PAX6: variants seen among roughly 807,000 people sequenced by gnomAD.
The protein encoded by PAX6 is paired box protein Pax-6.
Under a neutral mutation model 60.7 loss-of-function variants are expected in PAX6, and 7 were observed. The ratio of observed to expected loss-of-function variants is 0.12; its 90% confidence interval spans 0.07 to 0.22. PAX6 has a LOEUF of 0.22. Among genes scored for constraint, PAX6 ranks in the 10% least tolerant of loss-of-function variants. The probability of loss-of-function intolerance (pLI) is 1.00; values close to 1 mark genes in which losing one functional copy is unlikely to be tolerated. For missense variants in PAX6, 355 were observed against 555.2 expected, an observed-to-expected ratio of 0.64 and a Z score of 3.62; for synonymous variants, 208 against 201.2, an observed-to-expected ratio of 1.03 and a Z score of -0.29.
intron 12 of PAX6, chr11:31,792,921 A>C (rs1019873274): frequency 1.8e-5 from 5 of 277,762 alleles, no homozygotes; most frequent in Non-Finnish European, 3.4e-5. Flanking sequence ...CATTCTCATT[A>C]TATTATGTAT....
intron 12 of PAX6, chr11:31,791,157 C>A: frequency 4.3e-6 from 2 of 468,182 alleles, no homozygotes; most frequent in African/African-American, 2.0e-5. Context: ...TGTCTCTAAC[C>A]TCTGCTAGCA....
At chr11:31,806,579 C>CCA (rs1330414625) in intron 3 of PAX6, 117 bp from the exon 4 acceptor site, 3 of 789,638 alleles carry the variant, frequency 3.8e-6, no homozygotes, top group African/African-American at 1.7e-5. Flanking sequence ...AGGAATTGAT[C>CCA]CACTCAACCT....
intron 8 of PAX6, among the ~76,000 whole-genome samples, chr11:31,796,315 A>G (rs1951495976): frequency 6.6e-6 from 1 of 152,158 alleles, no homozygotes; most frequent in South Asian, 2.1e-4. Context: ...CGCGGACAAC[A>G]AAAGGATTCT....
At chr11:31,815,017 T>TCTCTCTCTCC (rs1957311199), upstream of PAX6, 1 of 151,774 alleles carries the variant, frequency 6.6e-6, no homozygotes, top group African/African-American at 2.4e-5. Context: ...TCTCTCTCTC[T>TCTCTCTCTCC]CTCTCTCTCT....
intron 1 of PAX6, chr11:31,816,710 C>G: frequency 1.4e-6 from 1 of 693,968 alleles, no homozygotes; most frequent in Non-Finnish European, 2.6e-6. Context: ...GGGGCGCCAC[C>G]GCTCGGAGTC....
At chr11:31,800,654 A>T (rs1216483776) in intron 8 of PAX6, 37 bp downstream of exon 8, 1 of 1,612,348 alleles carries the variant, frequency 6.2e-7, no homozygotes, top group Admixed American at 1.7e-5. Context: ...AGGGATGCAC[A>T]TATGGAGAGC....
At position 31,806,102 on chromosome 11, in the gene PAX6, A is replaced by G. The variant is rs2440246; in HGVS notation, c.10+300T>C. ...CGGGGTCAGAGCCCGGGCAGGGGCG[A>G]GAGGGGGTGTGAGTTACAGGATTTG... On this transcript the variant is annotated intron_variant, in intron 4 of 13. Coordinates refer to ENST00000640368, the MANE Select transcript of PAX6 (RefSeq NM_001368894.2). 434,637 of 434,638 alleles carry G rather than the reference A, an allele frequency of 1. 217,318 individuals carry two copies. Among genetic ancestry groups the G allele is most frequent in the Middle Eastern group, 1 (1,712 of 1,712 alleles). 26.9% of individuals were successfully genotyped at this position (434,638 alleles called of 1,614,324 possible).
intron 5 of PAX6, chr11:31,802,480 A>G (rs1954329691): frequency 9.8e-6 from 5 of 512,640 alleles, no homozygotes; most frequent in Non-Finnish European, 1.7e-5. Flanking sequence ...TCTGAAGCAG[A>G]TGAGTTATCT....
Position 31,789,152 on chromosome 11 carries a change from G to A in PAX6, c.*782C>T, listed in dbSNP as rs910742968. 2.0e-5 allele frequency: 4 copies of A among 203,342 alleles called. No homozygotes were observed. The highest frequency in any genetic ancestry group is 6.0e-5 in the Admixed American group (1 of 16,736). 12.6% of individuals were successfully genotyped at this position (203,342 alleles called of 1,614,324 possible). A position where few individuals can be genotyped will look rare whatever the true frequency, so the allele number is the denominator to read the frequency against. On this transcript the variant is annotated 3_prime_UTR_variant, in exon 14 of 14. Coordinates refer to ENST00000640368, the MANE Select transcript of PAX6 (RefSeq NM_001368894.2). ...AACTTTTGCTGGCCAAAAAAGAAAC[G>A]TATGATTGCATGAAAATGTGTATAA...
chr11:31,806,552 G>T, intron 3 of PAX6, 90 bp from the exon 4 acceptor site: 1 of 969,716 alleles, frequency 1.0e-6, no homozygotes. Flanking sequence ...GCTAGGACAG[G>T]AGAATCTCCG....
chr11:31,794,334 T>C (rs1950777086), intron 9 of PAX6: 1 of 630,324 alleles, frequency 1.6e-6, no homozygotes, highest in Admixed American at 2.7e-5. Flanking sequence ...TGGCCTGAAA[T>C]AGCCAAATCA....
intron 7 of PAX6, chr11:31,801,117 C>G (rs772620509): frequency 2.0e-5 from 17 of 839,608 alleles, no homozygotes; most frequent in Non-Finnish European, 3.0e-5. Flanking sequence ...CTAACTCACA[C>G]GGTTGCTTTG....
At position 31,789,868 on chromosome 11, in the gene PAX6, G is replaced by A. The variant is rs1451826259; in HGVS notation, c.*66C>T. ...TTTCTTTCCTGAAAGCTCAACTGTT[G>A]TGTCCCCATAGTCACTGACTGAATT... On this transcript the variant is annotated 3_prime_UTR_variant, in exon 14 of 14. Transcript: ENST00000640368. 1 of 1,389,588 alleles carries A rather than the reference G, an allele frequency of 7.2e-7. No individual in the cohort carries two copies. Among genetic ancestry groups the A allele is most frequent in the Non-Finnish European group, 1.0e-6 (1 of 998,962 alleles). 86.1% of individuals were successfully genotyped at this position (1,389,588 alleles called of 1,614,324 possible).
chr11:31,815,120 C>T (rs979167549), upstream of PAX6: 1 of 152,198 alleles, frequency 6.6e-6, no homozygotes, highest in African/African-American at 2.4e-5. Context: ...TTCCTAGCAG[C>T]CCAGCGGGTC....
chr11:31,814,489 CTCTCTT>C (rs1241491385), upstream of PAX6: 1 of 152,226 alleles, frequency 6.6e-6, no homozygotes, highest in Admixed American at 6.5e-5. Context: ...CCTCCAAACT[CTCTCTT>C]TCCCCGGTCA....
Position 31,789,305 on chromosome 11 carries a change from C to G in PAX6, c.*629G>C, listed in dbSNP as rs1459327282. ...AATTGGATTATATCGAAGACACACT[C>G]TACCTTTTAGCTATCAACTTTTTTT... On this transcript the variant is annotated 3_prime_UTR_variant, in exon 14 of 14. Coordinates refer to ENST00000640368, the MANE Select transcript of PAX6 (RefSeq NM_001368894.2). 4.2e-6 allele frequency: 1 copy of G among 240,184 alleles called. No individual in the cohort carries two copies. The highest frequency in any genetic ancestry group is 6.4e-5 in the East Asian group (1 of 15,676). 14.9% of individuals were successfully genotyped at this position (240,184 alleles called of 1,614,324 possible). A position where few individuals can be genotyped will look rare whatever the true frequency, so the allele number is the denominator to read the frequency against.
At chr11:31,801,451 C>T (rs1953804939) in intron 7 of PAX6, 110 bp downstream of exon 7, 2 of 1,582,098 alleles carry the variant, frequency 1.3e-6, no homozygotes, top group Admixed American at 3.6e-5. Flanking sequence ...AAATGTGGAG[C>T]AGGGAGAGGA....
intron 13 of PAX6, 124 bp from the exon 14 acceptor site, chr11:31,790,143 A>G (rs1592356807): frequency 2.8e-6 from 2 of 710,880 alleles, no homozygotes; most frequent in Non-Finnish European, 4.7e-6. Context: ...AACATTTTTT[A>G]CTGTATTAAA....
intron 8 of PAX6, among the ~76,000 whole-genome samples, chr11:31,799,294 G>A (rs371213831): frequency 1.3e-5 from 2 of 152,052 alleles, no homozygotes; most frequent in Non-Finnish European, 2.9e-5. Flanking sequence ...CCGTGCGGGC[G>A]GGGTCGCCCA....
Sources: gnomAD v4.1 joint callset for allele counts (sites outside exome capture counted in the v4.1 genomes callset) on GRCh38, gnomAD v4.1.1 for gene constraint, MANE v1.5 for transcripts, NCBI Gene and HGNC (gene_info 2026-07-23, HGNC 2026-07-21) for gene names.